Variants in ADCK5 observed in about 807,000 individuals in gnomAD.
ADCK5 encodes uncharacterized aarF domain-containing protein kinase 5.
Under a neutral mutation model 64.9 loss-of-function variants are expected in ADCK5, and 43 were observed. The ratio of observed to expected loss-of-function variants is 0.66; its 90% CI spans 0.52 to 0.85. ADCK5 has a LOEUF of 0.85. ADCK5 is among the 40% of genes least tolerant of loss of function. ADCK5 has a pLI of 0.00. For synonymous variants in ADCK5, 434 were observed against 342.8 expected (o/e 1.27, Z -2.94); for missense variants, 760 against 810.5 (o/e 0.94, Z 0.76).
In ADCK5 at chr8:144,391,243, A is replaced by G. The variant is rs1820206974; in HGVS notation, c.653A>G (p.Lys218Arg). Residue 218 changes from lysine to arginine, a missense_variant, in exon 6 of 15, where the codon AAG becomes AGG. Transcript: ENST00000308860. Reference protein sequence around the residue: ...AASLAQVHRAKLHDGTSVAVK... With the variant: ...AASLAQVHRARLHDGTSVAVK... ...AGCCTGGCACAGGTGCACAGAGCCA[A>G]GCTGCACGATGGCACCAGCGTGGCT... The G allele has an allele frequency of 1.2e-6, 2 of 1,612,454 alleles. No individual in the cohort carries two copies. Among genetic ancestry groups the G allele is most frequent in the African/African-American group, 2.7e-5 (2 of 74,942 alleles).
chr8:144,391,554 G>T, intron 7 of ADCK5, 26 bp from the exon 8 acceptor site: 2 of 1,583,956 alleles, frequency 1.3e-6, no homozygotes, highest in Non-Finnish European at 1.7e-6. Flanking sequence ...GGCAGAGCTG[G>T]TCTTCAACCG....
chr8:144,375,104 C>A (rs1223351455), intron 1 of ADCK5, among the ~76,000 whole-genome samples: 1 of 152,240 alleles, frequency 6.6e-6, no homozygotes, highest in African/African-American at 2.4e-5. Context: ...CTTCATGGGC[C>A]GGGGAGGTGG....
rs1820320657 is a variant in ADCK5, at chr8:144,392,426, T to TCCCTCCCC, written c.1268-12_1268-11insCCCCTCCC. 1.3e-5 allele frequency: 6 copies of TCCCTCCCC among 461,072 alleles called. No individual in the cohort carries two copies. The highest frequency in any genetic ancestry group is 1.1e-4 in the African/African-American group (5 of 45,970). The allele number at this position is 461,072 out of a possible 1,614,324, so 28.6% of individuals were successfully genotyped here. On this transcript the variant is annotated intron_variant, in intron 12 of 14. Transcript: ENST00000308860. ...ACCCACTCAGAGCCCCCTCCCTCCC[T>TCCCTCCCC]CCCTCCCTCCCTCCCCAGACTACCT...
In ADCK5 at chr8:144,384,851, G is replaced by A. The variant is rs1444633142; in HGVS notation, c.266+1621G>A. ...GGGCTGAGCTGGGGTTGCAGGGAGGGACCTCTGTTGTTAATTTTCCCAGCA... is the reference window on the plus strand; with the variant it reads ...GGGCTGAGCTGGGGTTGCAGGGAGGAACCTCTGTTGTTAATTTTCCCAGCA... On this transcript the variant is annotated intron_variant, in intron 3 of 14. Transcript: ENST00000308860. This position sits in a 1 kb window ranked among gnomAD's most constrained non-coding sequence, Gnocchi z 5.7. 1.3e-5 allele frequency among the ~76,000 whole-genome samples: 2 copies of A among 152,292 alleles called. No homozygotes were observed. Among genetic ancestry groups the A allele is most frequent in the East Asian group, 3.9e-4 (2 of 5,180 alleles).
upstream of ADCK5, chr8:144,373,802 TC>T (rs1819250339): frequency 5.7e-6 from 2 of 353,538 alleles, no homozygotes; most frequent in African/African-American, 2.1e-5. Flanking sequence ...CAGCGGTCCT[TC>T]CGGCAGGTGC....
At chr8:144,392,412 G>T in intron 12 of ADCK5, 33 bp from the exon 13 acceptor site, 4 of 1,475,036 alleles carry the variant, frequency 2.7e-6, no homozygotes, top group Non-Finnish European at 3.6e-6. Flanking sequence ...CCCACTCAGA[G>T]CCCCCTCCCT....
rs1448164759 is a variant in ADCK5 at position 144,390,936 on chromosome 8, C to T, written c.423C>T (p.Asn141=). The change falls in exon 5 of 15, where the codon AAC becomes AAT. Residue 141 remains asparagine (N), a synonymous_variant. Coordinates refer to ENST00000308860, the MANE Select transcript of ADCK5 (RefSeq NM_174922.5). ...CCCTGGTGGCAGGGGCCATCAGCAA[C>T]GGGGGCCTCTACGTGAAGCTGGGCC... is the stretch of plus-strand genomic sequence containing the variant. The part of the protein sequence containing the change: ...ADALVAGAIS[N]GGLYVKLGQG... 9.9e-6 allele frequency: 16 copies of T among 1,612,796 alleles called. No homozygotes were observed. Among genetic ancestry groups the T allele is most frequent in the South Asian group, 3.3e-5 (3 of 91,096 alleles).
At chr8:144,382,786 G>T (rs1554858537) in intron 2 of ADCK5, among the ~76,000 whole-genome samples, 3 of 152,374 alleles carry the variant, frequency 2.0e-5, no homozygotes, top group Admixed American at 6.5e-5. Context: ...CCATTGAGCT[G>T]CTTCCTTTAC....
intron 3 of ADCK5, 118 bp downstream of exon 3, chr8:144,383,348 G>C (rs1819766056): frequency 7.3e-7 from 1 of 1,365,224 alleles, no homozygotes. Context: ...GAGGCCTGCA[G>C]AGCTTGCTGA....
At chr8:144,374,199 C>T (rs1819271489) in intron 1 of ADCK5, 92 bp downstream of exon 1, 4 of 1,166,160 alleles carry the variant, frequency 3.4e-6, no homozygotes, top group Middle Eastern at 4.3e-4. Context: ...GCCCTAGAGA[C>T]CCTCGGGGCT....
Position 144,392,768 on chromosome 8 carries a change from G to C in ADCK5, c.1521-8G>C, listed in dbSNP as rs375060146. The C allele has an allele frequency of 6.0e-4, 959 of 1,587,312 alleles. 1 individual carries two copies. The highest frequency in any genetic ancestry group is 7.5e-4 in the Non-Finnish European group (874 of 1,168,718). On this transcript the variant is annotated splice_region_variant and splice_polypyrimidine_tract_variant and intron_variant, in intron 13 of 14. Transcript: ENST00000308860. ...GGGCTGACGCGGCGCTAACGCGGGT[G>C]TGTGCAGGGCTGTCCGGGGCTGGAG...
rs1564680216 is a variant in ADCK5, at chr8:144,393,072, T to TA, written c.1742dup (p.Ter581=). 3 of 1,572,012 alleles carry TA rather than the reference T, an allele frequency of 1.9e-6. No individual in the cohort carries two copies. The South Asian group carries it at 3.5e-5, about 18-fold the overall frequency. Residue 581 remains the stop codon, a frameshift_variant and stop_retained_variant, in exon 15 of 15, where the codon TAG becomes TAAG. Transcript: ENST00000308860. LOFTEE classifies it high-confidence loss of function. ...GGAGCTCTACCAGTACCTGGAGACCTAGGGTGCAGCCGCCCAGGGCCGGCG... is the reference window on the plus strand; with the variant it reads ...GGAGCTCTACCAGTACCTGGAGACCTAAGGGTGCAGCCGCCCAGGGCCGGCG... ...AEELYQYLET[*]
chr8:144,374,917 C>T (rs1268824520), intron 1 of ADCK5, among the ~76,000 whole-genome samples: 1 of 152,244 alleles, frequency 6.6e-6, no homozygotes, highest in Non-Finnish European at 1.5e-5. Flanking sequence ...GGCCTTGACA[C>T]GCATCTTACC....
Position 144,391,464 on chromosome 8 carries a change from G to T in ADCK5, c.788G>T (p.Trp263Leu). Residue 263 changes from tryptophan (W) to leucine (L), a missense_variant, in exon 7 of 15, where the codon TGG (tryptophan) becomes TTG (leucine). Coordinates refer to ENST00000308860, the MANE Select transcript of ADCK5 (RefSeq NM_174922.5). ...ATGCACCCCAGCTTTGGCTTCAGCTGGGTCCTCCAGGTACAGCCCCACCCC... is the reference window on the plus strand; with the variant it reads ...ATGCACCCCAGCTTTGGCTTCAGCTTGGTCCTCCAGGTACAGCCCCACCCC... Reference protein sequence around the residue: ...EVMHPSFGFSWVLQDLKGTLA... With the variant: ...EVMHPSFGFSLVLQDLKGTLA... 1 of 1,610,708 alleles carries T rather than the reference G, an allele frequency of 6.2e-7. No homozygotes were observed.
chr8:144,392,334 T>TGGGGGTGCAAGGTCA lies in ADCK5; in HGVS notation c.1267+2_1267+3insCAGGGGGTGCAAGGT. The TGGGGGTGCAAGGTCA allele has an allele frequency of 6.8e-7, 1 of 1,476,844 alleles. No individual in the cohort carries two copies. The highest frequency in any genetic ancestry group is 2.2e-4 in the Middle Eastern group (1 of 4,494). 91.5% of individuals were successfully genotyped at this position (1,476,844 alleles called of 1,614,324 possible). Reference sequence around the variant, plus strand: ...GCCATGAGGGCGCACGCAGCCGCACTGGGGGTGCAAGGTGAGGGCGTGCGG... The same window carrying TGGGGGTGCAAGGTCA: ...GCCATGAGGGCGCACGCAGCCGCACTGGGGGTGCAAGGTCAGGGGGTGCAAGGTGAGGGCGTGCGG... On this transcript the variant is annotated inframe_insertion, in exon 12 of 15. Coordinates refer to ENST00000308860, the MANE Select transcript of ADCK5 (RefSeq NM_174922.5).
upstream of ADCK5, chr8:144,373,821 G>A (rs1483545778): frequency 2.2e-5 from 8 of 363,960 alleles, no homozygotes; most frequent in Non-Finnish European, 3.9e-5. Flanking sequence ...TGCCTGCCCG[G>A]GGAATGCGCA....
Position 144,391,062 on chromosome 8 carries a change from T to C in ADCK5, c.543+6T>C, listed in dbSNP as rs896497793. ...TCAAGCGGGGCTTCCAGGAGGTGAG[T>C]GTGCGCTCAGGCCGAGGGAGGTGGG... On this transcript the variant is annotated splice_donor_region_variant and intron_variant, in intron 5 of 14. Coordinates refer to ENST00000308860, the MANE Select transcript of ADCK5 (RefSeq NM_174922.5). 23 of 1,611,592 alleles carry C rather than the reference T, an allele frequency of 1.4e-5. No individual in the cohort carries two copies. The highest frequency in any genetic ancestry group is 1.8e-5 in the Non-Finnish European group (21 of 1,179,930).
Position 144,391,017 on chromosome 8 carries a change from C to A in ADCK5, c.504C>A (p.Arg168=), listed in dbSNP as rs375059392. 1 of 1,612,962 alleles carries A rather than the reference C, an allele frequency of 6.2e-7. No individual in the cohort carries two copies. Among genetic ancestry groups the A allele is most frequent in the African/African-American group, 1.3e-5 (1 of 75,058 alleles). Residue 168 remains arginine, a synonymous_variant, in exon 5 of 15, where the codon CGC becomes CGA. Coordinates refer to ENST00000308860, the MANE Select transcript of ADCK5 (RefSeq NM_174922.5). ...LLPPEYTRTL[R]VLEDRALKRG... is the part of the protein sequence containing the mutation. ...CCCCCGAGTATACCCGGACCCTGCG[C>A]GTGCTAGAGGACAGGGCCCTCAAGC...
At chr8:144,387,577 T>A (rs1331749956) in intron 3 of ADCK5, among the ~76,000 whole-genome samples, 3 of 151,682 alleles carry the variant, frequency 2.0e-5, no homozygotes, top group African/African-American at 7.3e-5. Context: ...AATTTTTTTT[T>A]AATTTTTAGT....
Sources: gnomAD v4.1 joint callset for allele counts (sites outside exome capture counted in the v4.1 genomes callset) on GRCh38, gnomAD v4.1.1 for gene constraint, Gnocchi (gnomAD v3.1) non-coding constraint, MANE v1.5 for transcripts, NCBI Gene and HGNC (gene_info 2026-07-23, HGNC 2026-07-21) for gene names.